Variants in BDKRB2 observed in about 807,000 individuals in gnomAD.
BDKRB2 encodes B2 bradykinin receptor.
Under a neutral mutation model 4.0 loss-of-function variants are expected in BDKRB2, and 6 were observed. The ratio of observed to expected loss-of-function variants is 1.49; its 90% CI spans 0.81 to 2.93. The LOEUF (loss-of-function observed/expected upper bound fraction) is 2.93. Ranked by LOEUF, BDKRB2 falls within the 30% of genes most tolerant of loss-of-function variation. BDKRB2 has a pLI of 0.00. For missense variants in BDKRB2, 478 were observed against 520.1 expected, an observed-to-expected ratio of 0.92 and a Z score of 0.79; for synonymous variants, 225 against 215.3, an observed-to-expected ratio of 1.05 and a Z score of -0.40.
chr14:96,234,300 C>G (rs555161541), intron 1 of BDKRB2, among the ~76,000 whole-genome samples: 2 of 152,286 alleles, frequency 1.3e-5, no homozygotes, highest in East Asian at 1.9e-4. Context: ...CCTCCTTCCC[C>G]CCTCGCGATC....
chr14:96,239,142 C>T, intron 2 of BDKRB2: 2 of 985,464 alleles, frequency 2.0e-6, no homozygotes, highest in Non-Finnish European at 2.4e-6. Context: ...AGAAAGAGCC[C>T]CTTTTCCTTC....
chr14:96,206,476 G>A (rs1215343447), intron 1 of BDKRB2, among the ~76,000 whole-genome samples: 2 of 152,142 alleles, frequency 1.3e-5, no homozygotes, highest in African/African-American at 2.4e-5. Flanking sequence ...TCCCATGGTT[G>A]GGCCTGCATG....
chr14:96,237,782 G>A (rs1019971648), intron 2 of BDKRB2: 33 of 1,289,694 alleles, frequency 2.6e-5, no homozygotes, highest in Admixed American at 2.5e-4. Context: ...TGGACCTATA[G>A]TTTCCAATTC....
intron 1 of BDKRB2, among the ~76,000 whole-genome samples, chr14:96,221,294 A>G (rs979772652): frequency 1.3e-5 from 2 of 152,134 alleles, no homozygotes; most frequent in Non-Finnish European, 2.9e-5. Context: ...GCACTCATAA[A>G]TTTGTTGAAT....
chr14:96,220,540 T>C (rs1271677201), intron 1 of BDKRB2, among the ~76,000 whole-genome samples: 1 of 151,878 alleles, frequency 6.6e-6, no homozygotes, highest in East Asian at 1.9e-4. Context: ...TTCTAAGGAG[T>C]TGGGGTCATT....
chr14:96,205,403 C>T (rs941625391), intron 1 of BDKRB2, among the ~76,000 whole-genome samples: 2 of 151,256 alleles, frequency 1.3e-5, no homozygotes, highest in South Asian at 4.2e-4. Flanking sequence ...GCTATTCAAC[C>T]TCTCTGAGCC....
rs1203960192 is a variant in BDKRB2, at chr14:96,244,088, A to G, written c.*2584A>G. On this transcript the variant is annotated 3_prime_UTR_variant, in exon 3 of 3. Transcript: ENST00000554311. Reference sequence around the variant, plus strand: ...AGCTGTTATGTTGTAAACAGGAAGCATTTCACATCCAAACGAGAAAATCAT... The same window carrying G: ...AGCTGTTATGTTGTAAACAGGAAGCGTTTCACATCCAAACGAGAAAATCAT... 7 of 398,154 alleles carry G rather than the reference A, an allele frequency of 1.8e-5. No homozygotes were observed. The allele number at this position is 398,154 out of a possible 1,614,324, so 24.7% of individuals were successfully genotyped here. A position where few individuals can be genotyped will look rare whatever the true frequency, so the allele number is the denominator to read the frequency against.
chr14:96,237,965 G>A (rs1890976693), intron 2 of BDKRB2: 15 of 1,191,210 alleles, frequency 1.3e-5, no homozygotes, highest in Middle Eastern at 2.7e-4. Flanking sequence ...CCAAGCCAGG[G>A]GTATGCAGGA....
At chr14:96,235,759 T>C (rs1001931838) in intron 1 of BDKRB2, among the ~76,000 whole-genome samples, 9 of 152,230 alleles carry the variant, frequency 5.9e-5, no homozygotes, top group African/African-American at 1.9e-4. Flanking sequence ...AAAGCTGGGA[T>C]GTGGCAGATC....
chr14:96,207,962 T>A (rs1485685026), intron 1 of BDKRB2, among the ~76,000 whole-genome samples: 1 of 152,160 alleles, frequency 6.6e-6, no homozygotes, highest in Non-Finnish European at 1.5e-5. Flanking sequence ...TCCATCTTAG[T>A]GTGCATGCCT....
rs373168750 is a variant in BDKRB2 at position 96,235,304 on chromosome 14, C to G, written c.-39-1765C>G. On this transcript the variant is annotated intron_variant, in intron 1 of 2. Transcript: ENST00000554311. ...CAGAGGTTGCAGTGAGCCAAGATTACGCCATTGTACTCCAGCCTGGGTGAC... is the reference window on the plus strand; with the variant it reads ...CAGAGGTTGCAGTGAGCCAAGATTAGGCCATTGTACTCCAGCCTGGGTGAC... 3.0e-5 allele frequency among the ~76,000 whole-genome samples: 4 copies of G among 132,080 alleles called. No homozygotes were observed. The South Asian group carries it at 9.4e-4, about 31-fold the overall frequency. The allele number at this position is 132,080 out of a possible 152,430, so 86.6% of individuals were successfully genotyped here. A position where few individuals can be genotyped will look rare whatever the true frequency, so the allele number is the denominator to read the frequency against.
chr14:96,223,314 C>T, intron 1 of BDKRB2: 1 of 1,057,514 alleles, frequency 9.5e-7, no homozygotes, highest in Non-Finnish European at 1.5e-6. Context: ...TCTTGCTGTT[C>T]CGGCGCCCAC....
intron 1 of BDKRB2, among the ~76,000 whole-genome samples, chr14:96,222,746 A>G (rs1298917058): frequency 1.3e-5 from 2 of 152,096 alleles, no homozygotes; most frequent in African/African-American, 4.8e-5. Flanking sequence ...TACACACTAG[A>G]TTTTGAAGAG....
At position 96,241,147 on chromosome 14, in the gene BDKRB2, G is replaced by C. The variant is rs373246298; in HGVS notation, c.819G>C (p.Leu273=). The change falls in exon 3 of 3, where the codon CTG becomes CTC. Residue 273 remains leucine, a synonymous_variant. Coordinates refer to ENST00000554311, the MANE Select transcript of BDKRB2 (RefSeq NM_001379692.1). ...QTERRATVLV[L]VVLLLFIICW... The stretch of plus-strand genomic sequence containing the variant: ...AGAGGAGGGCCACGGTGCTAGTCCT[G>C]GTTGTGCTGCTGCTATTCATCATCT... 3.7e-6 allele frequency: 6 copies of C among 1,610,392 alleles called. No individual in the cohort carries two copies. Among genetic ancestry groups the C allele is most frequent in the South Asian group, 2.2e-5 (2 of 90,906 alleles).
chr14:96,242,103 T>C lies in BDKRB2; in HGVS notation c.*599T>C, dbSNP rs202074566. ...CAAAGAAGAATCCAATAAGCACATATTGAGCACTTGCTGTATATGCAGTAT... is the reference window on the plus strand; with the variant it reads ...CAAAGAAGAATCCAATAAGCACATACTGAGCACTTGCTGTATATGCAGTAT... On this transcript the variant is annotated 3_prime_UTR_variant, in exon 3 of 3. Transcript: ENST00000554311. The C allele has an allele frequency of 2.0e-5, 3 of 152,462 alleles. No homozygotes were observed. Among genetic ancestry groups the C allele is most frequent in the South Asian group, 2.1e-4 (1 of 4,828 alleles). The allele number at this position is 152,462 out of a possible 1,614,324, so 9.4% of individuals were successfully genotyped here. A position where few individuals can be genotyped will look rare whatever the true frequency, so the allele number is the denominator to read the frequency against.
At chr14:96,214,054 G>A (rs918450605) in intron 1 of BDKRB2, among the ~76,000 whole-genome samples, 31 of 152,260 alleles carry the variant, frequency 2.0e-4, no homozygotes, top group African/African-American at 6.7e-4. Context: ...AGGAGCATGA[G>A]TCCCTTGCCT....
At chr14:96,218,425 A>G (rs1453310113) in intron 1 of BDKRB2, among the ~76,000 whole-genome samples, 1 of 152,040 alleles carries the variant, frequency 6.6e-6, no homozygotes, top group African/African-American at 2.4e-5. Flanking sequence ...AAGGCTCTTC[A>G]CCTAAACCTC....
chr14:96,222,846 A>G (rs1214713614), intron 1 of BDKRB2, among the ~76,000 whole-genome samples: 1 of 152,090 alleles, frequency 6.6e-6, no homozygotes, highest in Non-Finnish European at 1.5e-5. Flanking sequence ...ATTTGATTAT[A>G]TCTCATATAT....
intron 1 of BDKRB2, chr14:96,211,123 A>G (rs896685895): frequency 6.6e-6 from 1 of 152,218 alleles, no homozygotes; most frequent in African/African-American, 2.4e-5. Context: ...GGGCCCAAAC[A>G]TTTCGGGAAG....
Sources: gnomAD v4.1 joint callset for allele counts (sites outside exome capture counted in the v4.1 genomes callset) on GRCh38, gnomAD v4.1.1 for gene constraint, MANE v1.5 for transcripts, NCBI Gene and HGNC (gene_info 2026-07-23, HGNC 2026-07-21) for gene names.